Variants in BICD1 observed in about 807,000 individuals in gnomAD.
BICD1 encodes protein bicaudal D homolog 1.
BICD1 carries 35 observed loss-of-function variants against 92.5 expected under a neutral mutation model. The ratio of observed to expected loss-of-function variants is 0.38; its 90% CI spans 0.29 to 0.50. The LOEUF (loss-of-function observed/expected upper bound fraction) is 0.50. Among genes scored for constraint, BICD1 ranks in the 20% least tolerant of loss-of-function variants. BICD1 has a pLI of 0.93. For synonymous variants in BICD1, 429 were observed against 465.1 expected, an observed-to-expected ratio of 0.92 and a Z score of 1.00; for missense variants, 950 against 1,189.8, an observed-to-expected ratio of 0.80 and a Z score of 2.97.
chr12:32,134,625 G>A (rs1199726684), intron 1 of BICD1, among the ~76,000 whole-genome samples: 1 of 152,216 alleles, frequency 6.6e-6, no homozygotes, highest in Admixed American at 6.5e-5. Context: ...AAGGAAGTGA[G>A]TCAGGTGTTT....
intron 1 of BICD1, among the ~76,000 whole-genome samples, chr12:32,116,486 C>T (rs1039630776): frequency 6.0e-5 from 7 of 117,208 alleles, no homozygotes; most frequent in East Asian, 5.0e-4. Flanking sequence ...CTCTCTCTCT[C>T]TCTCTTTCTC....
chr12:32,353,903 T>G (rs1400916071), intron 8 of BICD1: 1 of 152,170 alleles, frequency 6.6e-6, no homozygotes, highest in Admixed American at 6.5e-5. Context: ...AGGTTATTTT[T>G]TGAAAGATTT....
chr12:32,179,238 G>T (rs1297311699), intron 1 of BICD1, among the ~76,000 whole-genome samples: 1 of 151,838 alleles, frequency 6.6e-6, no homozygotes, highest in Non-Finnish European at 1.5e-5. Context: ...GAAACAGCAG[G>T]CCCCGCCGCA....
chr12:32,238,415 T>C (rs1369927168), intron 2 of BICD1, among the ~76,000 whole-genome samples: 1 of 152,216 alleles, frequency 6.6e-6, no homozygotes, highest in Non-Finnish European at 1.5e-5. Flanking sequence ...AATGATTTCT[T>C]GGGAGGGAAT....
chr12:32,277,647 C>G (rs933221535), intron 2 of BICD1, among the ~76,000 whole-genome samples: 4 of 152,208 alleles, frequency 2.6e-5, no homozygotes, highest in Non-Finnish European at 4.4e-5. Context: ...ATGATCTCTG[C>G]TATACACACA....
chr12:32,346,540 A>G (rs1420646192), intron 8 of BICD1, among the ~76,000 whole-genome samples: 7 of 4,774 alleles, frequency 1.5e-3, no homozygotes, highest in African/African-American at 2.6e-3. Flanking sequence ...ATACGTGTAT[A>G]TATATATATA....
intron 2 of BICD1, among the ~76,000 whole-genome samples, chr12:32,256,044 AT>A (rs1485598281): frequency 6.6e-6 from 1 of 151,912 alleles, no homozygotes; most frequent in Non-Finnish European, 1.5e-5. Context: ...TATTATAATT[AT>A]TGTTATTTTA....
intron 3 of BICD1, among the ~76,000 whole-genome samples, chr12:32,304,190 C>A (rs1948147201): frequency 6.6e-6 from 1 of 152,160 alleles, no homozygotes; most frequent in African/African-American, 2.4e-5. Context: ...GCGAGACAAA[C>A]CATTGCATTG....
At chr12:32,116,219 T>A (rs1406010409) in intron 1 of BICD1, among the ~76,000 whole-genome samples, 4 of 152,326 alleles carry the variant, frequency 2.6e-5, no homozygotes, top group Non-Finnish European at 5.9e-5. Flanking sequence ...TAGAGCTGCA[T>A]GTTCTGCTTA....
intron 4 of BICD1, among the ~76,000 whole-genome samples, chr12:32,323,793 A>G (rs261902): frequency 0.82 from 125,241 of 152,184 alleles, 51,716 homozygotes; most frequent in East Asian, 0.87. Context: ...AAAAATGGTC[A>G]TGCAAACTGA....
chr12:32,315,689 T>G (rs2259209), intron 4 of BICD1, among the ~76,000 whole-genome samples: 115,014 of 151,862 alleles, frequency 0.76, 43,779 homozygotes, highest in East Asian at 0.86. Flanking sequence ...GACTTGTGAA[T>G]GTTCGTCTAG....
intron 2 of BICD1, among the ~76,000 whole-genome samples, chr12:32,235,353 G>A (rs1472325544): frequency 2.6e-5 from 4 of 152,196 alleles, no homozygotes; most frequent in Non-Finnish European, 5.9e-5. Context: ...TAGGCCTGAA[G>A]AGGAATAAAA....
At chr12:32,167,241 T>A (rs1240770224) in intron 1 of BICD1, among the ~76,000 whole-genome samples, 2 of 152,230 alleles carry the variant, frequency 1.3e-5, no homozygotes, top group African/African-American at 4.8e-5. Context: ...TGTGGAATGC[T>A]GTGGCTTTCT....
chr12:32,256,509 A>G lies in BICD1; in HGVS notation c.427-37485A>G, dbSNP rs143591217. Among the ~76,000 whole-genome samples the G allele has an allele frequency of 1.3e-3, 192 of 152,352 alleles. 2 individuals carry two copies. Among genetic ancestry groups the G allele is most frequent in the African/African-American group, 4.4e-3 (183 of 41,576 alleles). Reference sequence around the variant, plus strand: ...AAAGTGATAGAGCTGAGATTTACCCAGTTTTGTTGAGCTTCAGGTTTTAAA... The same window carrying G: ...AAAGTGATAGAGCTGAGATTTACCCGGTTTTGTTGAGCTTCAGGTTTTAAA... On this transcript the variant is annotated intron_variant, in intron 2 of 9. Transcript: ENST00000652176.
At chr12:32,115,387 G>GTTTTTTTTT (rs4035442) in intron 1 of BICD1, among the ~76,000 whole-genome samples, 1 of 142,414 alleles carries the variant, frequency 7.0e-6, no homozygotes, top group African/African-American at 2.6e-5. Context: ...GGTGTTTTTG[G>GTTTTTTTTT]TTTTTTTTTT....
Position 32,175,316 on chromosome 12 carries a change from C to CT in BICD1, c.214-40924dup, listed in dbSNP as rs201734454. Among the ~76,000 whole-genome samples, 827 of 152,200 alleles carry CT rather than the reference C, an allele frequency of 5.4e-3. 9 individuals carry two copies. Among genetic ancestry groups the CT allele is most frequent in the African/African-American group, 0.019 (789 of 41,524 alleles). On this transcript the variant is annotated intron_variant, in intron 1 of 9. Transcript: ENST00000652176. ...CCTTGTGTTTCTAACACATACTAAG[C>CT]TTTTTTTCTTTTTCTTCTGAAATGG...
intron 3 of BICD1, 101 bp from the exon 4 acceptor site, chr12:32,305,593 ATGT>A: frequency 1.0e-6 from 1 of 968,332 alleles, no homozygotes; most frequent in African/African-American, 1.6e-5. Flanking sequence ...TTTTAGACTC[ATGT>A]TGTATTTTGT....
intron 1 of BICD1, among the ~76,000 whole-genome samples, chr12:32,118,602 G>A (rs1942035080): frequency 6.6e-6 from 1 of 152,122 alleles, no homozygotes; most frequent in South Asian, 2.1e-4. Context: ...AAGTAATCTA[G>A]AGATGATTTA....
intron 1 of BICD1, among the ~76,000 whole-genome samples, chr12:32,174,599 A>G (rs924239494): frequency 3.9e-5 from 6 of 152,210 alleles, no homozygotes; most frequent in African/African-American, 1.2e-4. Flanking sequence ...ATCTTGCCCT[A>G]TGAAATGAGT....
Sources: allele counts gnomAD v4.1 joint callset (sites outside exome capture counted in the v4.1 genomes callset), GRCh38; gene constraint gnomAD v4.1.1; transcripts MANE v1.5; gene names NCBI Gene and HGNC (gene_info 2026-07-23, HGNC 2026-07-21).